Variants in CNTNAP5 observed in about 807,000 individuals in gnomAD.
CNTNAP5 encodes the protein contactin-associated protein-like 5.
CNTNAP5 carries 72 observed loss-of-function variants against 150.2 expected under a neutral mutation model. The observed-to-expected ratio is 0.48, with a 90% CI of 0.40 to 0.58. The LOEUF (loss-of-function observed/expected upper bound fraction) is 0.58. Ranked by LOEUF, CNTNAP5 falls within the 20% of genes least tolerant of loss-of-function variation. The probability of loss-of-function intolerance (pLI) is 0.00; values close to 1 mark genes in which losing one functional copy is unlikely to be tolerated. For synonymous variants in CNTNAP5, 672 were observed against 619.8 expected (o/e 1.08, Z -1.25); for missense variants, 1,636 against 1,626.2 (o/e 1.01, Z -0.10).
intron 1 of CNTNAP5, among the ~76,000 whole-genome samples, chr2:124,042,108 G>A (rs1481005050): frequency 1.3e-5 from 2 of 152,124 alleles, no homozygotes; most frequent in Non-Finnish European, 2.9e-5. Flanking sequence ...TGACCCACCT[G>A]CCTCGGCCCC....
At chr2:124,766,558 A>G (rs922936388) in intron 16 of CNTNAP5, among the ~76,000 whole-genome samples, 1 of 152,198 alleles carries the variant, frequency 6.6e-6, no homozygotes, top group African/African-American at 2.4e-5. Flanking sequence ...TGCTCCAACT[A>G]TTGAGACTAT....
intron 12 of CNTNAP5, among the ~76,000 whole-genome samples, chr2:124,615,116 T>C (rs1307989747): frequency 6.6e-6 from 1 of 152,212 alleles, no homozygotes; most frequent in Non-Finnish European, 1.5e-5. Flanking sequence ...AAAAAGATGT[T>C]AGTGGCTGCT....
intron 1 of CNTNAP5, among the ~76,000 whole-genome samples, chr2:124,134,152 G>C (rs893690633): frequency 2.0e-5 from 3 of 152,276 alleles, no homozygotes; most frequent in Non-Finnish European, 2.9e-5. Context: ...GGCCAAAGTT[G>C]AGGTGTTGTC....
At chr2:124,097,018 G>A (rs964138764) in intron 1 of CNTNAP5, among the ~76,000 whole-genome samples, 7 of 151,740 alleles carry the variant, frequency 4.6e-5, no homozygotes, top group African/African-American at 1.7e-4. Flanking sequence ...ATCTTTTAAC[G>A]TACTATTTTC....
At chr2:124,451,051 A>AAATATAT (rs1360743225) in intron 6 of CNTNAP5, among the ~76,000 whole-genome samples, 1 of 65,308 alleles carries the variant, frequency 1.5e-5, no homozygotes, top group African/African-American at 7.2e-5. Context: ...AAAAAAAAAA[A>AAATATAT]ATATATATAT....
At chr2:124,523,131 G>A (rs17676225) in intron 8 of CNTNAP5, among the ~76,000 whole-genome samples, 9,102 of 152,184 alleles carry the variant, frequency 0.06, 321 homozygotes, top group Non-Finnish European at 0.081. Flanking sequence ...AGACCATCTC[G>A]TATTTGCAGC....
At chr2:124,707,140 G>GAAGAGGAAGAA (rs1679697343) in intron 13 of CNTNAP5, among the ~76,000 whole-genome samples, 2 of 86,476 alleles carry the variant, frequency 2.3e-5, no homozygotes, top group African/African-American at 9.2e-5. Context: ...AAGAAGAAGA[G>GAAGAGGAAGAA]GAAGAAGAAG....
intron 19 of CNTNAP5, among the ~76,000 whole-genome samples, chr2:124,834,255 T>C (rs763751502): frequency 7.2e-5 from 11 of 152,206 alleles, no homozygotes; most frequent in Non-Finnish European, 1.5e-4. Context: ...GAGTGGTTCA[T>C]TCTAAAGCTG....
chr2:124,354,635 T>C (rs1249630836), intron 3 of CNTNAP5, among the ~76,000 whole-genome samples: 1 of 152,154 alleles, frequency 6.6e-6, no homozygotes, highest in Non-Finnish European at 1.5e-5. Flanking sequence ...CTGCCAGTCT[T>C]GAGCAAAAGC....
At chr2:124,452,198 G>T (rs1158755091) in intron 6 of CNTNAP5, among the ~76,000 whole-genome samples, 1 of 152,094 alleles carries the variant, frequency 6.6e-6, no homozygotes, top group Non-Finnish European at 1.5e-5. Context: ...GTGCTATTGA[G>T]GGTGGGGCAC....
chr2:124,133,444 C>T (rs1007412579), intron 1 of CNTNAP5, among the ~76,000 whole-genome samples: 6 of 152,148 alleles, frequency 3.9e-5, no homozygotes, highest in Non-Finnish European at 1.5e-5. Context: ...GTGATCATCT[C>T]TAGTTCTATT....
chr2:124,848,333 G>A (rs1412179778), intron 19 of CNTNAP5, among the ~76,000 whole-genome samples: 1 of 152,062 alleles, frequency 6.6e-6, no homozygotes, highest in Non-Finnish European at 1.5e-5. Flanking sequence ...TATCATCCAT[G>A]TTATTGAGAA....
At chr2:124,233,624 A>G (rs1686676577) in intron 2 of CNTNAP5, among the ~76,000 whole-genome samples, 1 of 151,892 alleles carries the variant, frequency 6.6e-6, no homozygotes, top group South Asian at 2.1e-4. Context: ...ATGTCTATAA[A>G]TCTTCATTCT....
chr2:124,500,186 C>T (rs921673063), intron 7 of CNTNAP5, among the ~76,000 whole-genome samples: 3 of 152,116 alleles, frequency 2.0e-5, no homozygotes, highest in Non-Finnish European at 2.9e-5. Context: ...TAATCTCATC[C>T]GGAAACACAC....
intron 19 of CNTNAP5, among the ~76,000 whole-genome samples, chr2:124,800,253 A>G (rs941421946): frequency 6.6e-6 from 1 of 152,210 alleles, no homozygotes; most frequent in Non-Finnish European, 1.5e-5. Context: ...TTTCCAAAGC[A>G]TCTTTTGGGT....
intron 3 of CNTNAP5, among the ~76,000 whole-genome samples, chr2:124,338,774 G>C (rs981808810): frequency 1.3e-5 from 2 of 152,078 alleles, no homozygotes; most frequent in Non-Finnish European, 2.9e-5. Context: ...CAGCTTCTGA[G>C]ACCTTCCTGT....
At chr2:124,516,827 G>A (rs751014421) in intron 8 of CNTNAP5, among the ~76,000 whole-genome samples, 107 of 152,154 alleles carry the variant, frequency 7.0e-4, no homozygotes, top group Non-Finnish European at 1.2e-3. Context: ...GCAAAGATCT[G>A]TTAGAAATTT....
intron 12 of CNTNAP5, among the ~76,000 whole-genome samples, chr2:124,616,521 C>T (rs1388163384): frequency 6.6e-6 from 1 of 152,212 alleles, no homozygotes; most frequent in East Asian, 1.9e-4. Context: ...ATTTTCTCCA[C>T]ATCACCCAGA....
intron 21 of CNTNAP5, among the ~76,000 whole-genome samples, chr2:124,882,084 G>A (rs532370622): frequency 3.9e-5 from 6 of 152,134 alleles, no homozygotes; most frequent in Admixed American, 1.3e-4. Flanking sequence ...ACAGCCTGTC[G>A]CCTAAGCCAC....
Sources: allele counts gnomAD v4.1 joint callset (sites outside exome capture counted in the v4.1 genomes callset), GRCh38; gene constraint gnomAD v4.1.1; transcripts MANE v1.5; gene names NCBI Gene and HGNC (gene_info 2026-07-23, HGNC 2026-07-21).